Variants in KIRREL1 observed in about 807,000 individuals in gnomAD.
The protein encoded by KIRREL1 is kin of IRRE-like protein 1.
Under a neutral mutation model 83.3 loss-of-function variants are expected in KIRREL1, and 25 were observed. The ratio of observed to expected loss-of-function variants is 0.30; its 90% CI spans 0.22 to 0.42. The LOEUF (loss-of-function observed/expected upper bound fraction) is 0.42, where lower values mean the gene tolerates loss of function less well. Ranked by LOEUF, KIRREL1 falls within the 10% of genes least tolerant of loss-of-function variation. KIRREL1 has a pLI of 1.00. For synonymous variants in KIRREL1, 388 were observed against 410.4 expected (o/e 0.95, Z 0.66); for missense variants, 812 against 1,032.3 (o/e 0.79, Z 2.92).
intron 1 of KIRREL1, among the ~76,000 whole-genome samples, chr1:158,013,843 G>A (rs1659752352): frequency 6.6e-6 from 1 of 152,216 alleles, no homozygotes; most frequent in East Asian, 1.9e-4. Context: ...GGTGGGAGTA[G>A]GGGTGGTGAC....
intron 10 of KIRREL1, 47 bp downstream of exon 10, chr1:158,089,865 T>A: frequency 6.5e-7 from 1 of 1,539,904 alleles, no homozygotes; most frequent in Non-Finnish European, 9.0e-7. Flanking sequence ...CCTGCTTCTT[T>A]GCCCAGGCCC....
At chr1:158,033,206 G>A (rs934135784) in intron 1 of KIRREL1, among the ~76,000 whole-genome samples, 1 of 151,916 alleles carries the variant, frequency 6.6e-6, no homozygotes, top group African/African-American at 2.4e-5. Flanking sequence ...CCAGTAGCTG[G>A]GATCACAGGC....
rs542339768 is a variant in KIRREL1 at position 158,098,978 on chromosome 1, G to A, written c.*3858G>A. On this transcript the variant is annotated 3_prime_UTR_variant, in exon 15 of 15. Transcript: ENST00000359209. ...ATACATGACCTATGTTCATAGCAAT[G>A]TTCAGCCATTTGGGTTTGAAGAAAA... is the stretch of plus-strand genomic sequence containing the variant. The A allele has an allele frequency of 5.9e-5, 9 of 152,364 alleles. No individual in the cohort carries two copies. Among genetic ancestry groups the A allele is most frequent in the African/African-American group, 2.2e-4 (9 of 41,574 alleles). 9.4% of individuals were successfully genotyped at this position (152,364 alleles called of 1,614,324 possible). A position where few individuals can be genotyped will look rare whatever the true frequency, so the allele number is the denominator to read the frequency against.
At chr1:158,003,901 G>A (rs1659442554) in intron 1 of KIRREL1, among the ~76,000 whole-genome samples, 1 of 152,164 alleles carries the variant, frequency 6.6e-6, no homozygotes, top group African/African-American at 2.4e-5. Context: ...AATCGAGAGG[G>A]GAGCCTGTAA....
At chr1:158,029,068 C>T (rs1030795860) in intron 1 of KIRREL1, among the ~76,000 whole-genome samples, 1 of 152,138 alleles carries the variant, frequency 6.6e-6, no homozygotes, top group Non-Finnish European at 1.5e-5. Flanking sequence ...TGGTCCAGCC[C>T]CTGCCTTTGG....
At chr1:157,998,414 C>T (rs1420521554) in intron 1 of KIRREL1, among the ~76,000 whole-genome samples, 3 of 152,204 alleles carry the variant, frequency 2.0e-5, no homozygotes, top group South Asian at 2.1e-4. Context: ...TTCTGTCCTA[C>T]ATTTTTTGGT....
chr1:158,093,245 C>G, intron 11 of KIRREL1, 94 bp from the exon 12 acceptor site: 1 of 1,009,056 alleles, frequency 9.9e-7, no homozygotes, highest in Non-Finnish European at 1.6e-6. Flanking sequence ...CCAAGGTTGC[C>G]TCTGTGGCTG....
At chr1:158,033,181 C>T (rs1027053209) in intron 1 of KIRREL1, among the ~76,000 whole-genome samples, 6 of 152,196 alleles carry the variant, frequency 3.9e-5, no homozygotes, top group Non-Finnish European at 8.8e-5. Flanking sequence ...AAGCGATTCT[C>T]CTGCCTCAGC....
intron 1 of KIRREL1, among the ~76,000 whole-genome samples, chr1:158,000,848 G>C (rs541244798): frequency 1.3e-5 from 2 of 152,288 alleles, no homozygotes; most frequent in Non-Finnish European, 2.9e-5. Flanking sequence ...AGGATTAAGG[G>C]TCTTAAATCC....
At chr1:158,083,103 G>T (rs1294225294) in intron 3 of KIRREL1, among the ~76,000 whole-genome samples, 1 of 152,212 alleles carries the variant, frequency 6.6e-6, no homozygotes, top group Non-Finnish European at 1.5e-5. Context: ...AGTCTGGTTT[G>T]TCTTAGAAGC....
In KIRREL1 at chr1:158,077,878, T is replaced by C. The variant is rs1661729754; in HGVS notation, c.203-113T>C. ...AGGTGTCTGTGTCTGGGGCCTCACC[T>C]TCTCACCTGTCAGTGGTGTCCCAGG... On this transcript the variant is annotated intron_variant, in intron 2 of 14. Coordinates refer to ENST00000359209, the MANE Select transcript of KIRREL1 (RefSeq NM_018240.7). 4.8e-6 allele frequency: 6 copies of C among 1,249,590 alleles called. No individual in the cohort carries two copies. The African/African-American group carries it at 7.4e-5, about 15-fold the overall frequency. 77.4% of individuals were successfully genotyped at this position (1,249,590 alleles called of 1,614,324 possible).
rs753904988 is a variant in KIRREL1, at chr1:158,093,334, G to A, written c.1472-5G>A. On this transcript the variant is annotated splice_region_variant and splice_polypyrimidine_tract_variant and intron_variant, in intron 11 of 14. Transcript: ENST00000359209. ...ACCCCTCCACCTTTCCTTCCCCATC[G>A]AAAGAGGTGTTACCTGTGGGCATCA... 2.5e-5 allele frequency: 40 copies of A among 1,612,690 alleles called. No individual in the cohort carries two copies. Among genetic ancestry groups the A allele is most frequent in the Non-Finnish European group, 3.1e-5 (36 of 1,178,660 alleles).
Position 158,088,336 on chromosome 1 carries a change from G to A in KIRREL1, c.926G>A (p.Arg309Gln), listed in dbSNP as rs769389899. ...STLVNVHFAP[R>Q]IVVDPKPTTT... ...TCTTTCTCCCTCACAGTTGCTCCCCGGATTGTAGTTGACCCCAAACCCACA... is the reference window on the plus strand; with the variant it reads ...TCTTTCTCCCTCACAGTTGCTCCCCAGATTGTAGTTGACCCCAAACCCACA... Residue 309 changes from arginine to glutamine, a missense_variant, in exon 8 of 15, where the codon CGG becomes CAG. Arg to Gln is a conservative substitution (Grantham distance 43). This residue lies in a region of KIRREL1 where 472 missense variants were observed against 626.8 expected (regional missense o/e 0.75). Coordinates refer to ENST00000359209, the MANE Select transcript of KIRREL1 (RefSeq NM_018240.7). The A allele has an allele frequency of 7.4e-6, 12 of 1,612,790 alleles. No individual in the cohort carries two copies. The highest frequency in any genetic ancestry group is 5.0e-5 in the Admixed American group (3 of 59,794).
intron 1 of KIRREL1, among the ~76,000 whole-genome samples, chr1:158,033,110 G>A (rs547827045): frequency 6.6e-6 from 1 of 151,068 alleles, no homozygotes; most frequent in East Asian, 2.0e-4. Flanking sequence ...GAGTTTCGCT[G>A]TTGTCACCCA....
intron 1 of KIRREL1, among the ~76,000 whole-genome samples, chr1:158,039,647 C>G (rs1660572897): frequency 6.6e-6 from 1 of 152,224 alleles, no homozygotes; most frequent in African/African-American, 2.4e-5. Context: ...ACCTACTGTC[C>G]TGCAGGGACC....
chr1:158,051,179 G>T (rs1660901566), intron 1 of KIRREL1, among the ~76,000 whole-genome samples: 1 of 152,174 alleles, frequency 6.6e-6, no homozygotes, highest in African/African-American at 2.4e-5. Flanking sequence ...TAGTTGCAAG[G>T]TTTGCTCACA....
At chr1:158,034,305 T>C (rs1660416174) in intron 1 of KIRREL1, among the ~76,000 whole-genome samples, 1 of 150,620 alleles carries the variant, frequency 6.6e-6, no homozygotes, top group Admixed American at 6.6e-5. Flanking sequence ...GAAAATGAAA[T>C]TTTTCTTTAT....
intron 1 of KIRREL1, among the ~76,000 whole-genome samples, chr1:158,010,716 C>T (rs1465825394): frequency 6.6e-6 from 1 of 152,136 alleles, no homozygotes; most frequent in African/African-American, 2.4e-5. Flanking sequence ...GCCCTCCACC[C>T]TTCCCTCCTC....
intron 1 of KIRREL1, among the ~76,000 whole-genome samples, chr1:158,002,667 A>G (rs367881410): frequency 4.0e-4 from 61 of 152,268 alleles, no homozygotes; most frequent in African/African-American, 1.4e-3. Flanking sequence ...CATATTGACA[A>G]TTTTATAAGA....
Sources: allele counts gnomAD v4.1 joint callset (sites outside exome capture counted in the v4.1 genomes callset), GRCh38; gene constraint gnomAD v4.1.1; regional missense constraint gnomAD v4.1.1; transcripts MANE v1.5; gene names NCBI Gene and HGNC (gene_info 2026-07-23, HGNC 2026-07-21).